Variants in CADM1 observed in about 807,000 individuals in gnomAD.
The protein encoded by CADM1 is cell adhesion molecule 1.
In CADM1, 15 loss-of-function variants were observed where a neutral mutation model predicts 53.1. The observed-to-expected ratio is 0.28, with a 90% confidence interval of 0.19 to 0.44. The LOEUF is 0.44. Ranked by LOEUF, CADM1 falls within the 20% of genes least tolerant of loss-of-function variation. The pLI is 1.00. For synonymous variants in CADM1, 281 were observed against 243.0 expected (o/e 1.16, Z -1.45); for missense variants, 434 against 611.3 (o/e 0.71, Z 3.06).
chr11:115,392,138 T>A (rs545425551), intron 1 of CADM1, among the ~76,000 whole-genome samples: 1 of 152,114 alleles, frequency 6.6e-6, no homozygotes, highest in East Asian at 1.9e-4. Flanking sequence ...CCTTCTTACC[T>A]TGCTTATTTT....
intron 1 of CADM1, among the ~76,000 whole-genome samples, chr11:115,458,511 T>C (rs1948727118): frequency 6.8e-6 from 1 of 148,006 alleles, no homozygotes; most frequent in Non-Finnish European, 1.5e-5. Context: ...TTATTATTAT[T>C]ATTATTATTA....
chr11:115,256,421 A>T (rs1237906220), intron 1 of CADM1, among the ~76,000 whole-genome samples: 1 of 152,226 alleles, frequency 6.6e-6, no homozygotes, highest in Admixed American at 6.5e-5. Context: ...CTTAATGAAT[A>T]TCCATGGATC....
chr11:115,319,002 A>C (rs1944749665), intron 1 of CADM1, among the ~76,000 whole-genome samples: 1 of 152,200 alleles, frequency 6.6e-6, no homozygotes, highest in African/African-American at 2.4e-5. Context: ...TACTCAAAAC[A>C]ATAGGATCTT....
chr11:115,284,006 T>C (rs1943654143), intron 1 of CADM1, among the ~76,000 whole-genome samples: 1 of 151,186 alleles, frequency 6.6e-6, no homozygotes, highest in African/African-American at 2.4e-5. Flanking sequence ...TCCTGAAAAA[T>C]GGTAAAATTA....
intron 1 of CADM1, among the ~76,000 whole-genome samples, chr11:115,418,072 T>C (rs1209770903): frequency 6.6e-6 from 1 of 152,186 alleles, no homozygotes; most frequent in Non-Finnish European, 1.5e-5. Context: ...AAGAAAAATT[T>C]TGCTCTCCTT....
chr11:115,219,653 G>T (rs1208931947), intron 5 of CADM1, among the ~76,000 whole-genome samples: 3 of 152,156 alleles, frequency 2.0e-5, no homozygotes, highest in Non-Finnish European at 2.9e-5. Context: ...TTAAAGAAAA[G>T]CAGAAATGCT....
At chr11:115,390,481 GA>G (rs1946808352) in intron 1 of CADM1, among the ~76,000 whole-genome samples, 1 of 151,706 alleles carries the variant, frequency 6.6e-6, no homozygotes, top group South Asian at 2.1e-4. Context: ...GAGAGAAGGA[GA>G]AAAGCAGGGG....
intron 1 of CADM1, among the ~76,000 whole-genome samples, chr11:115,439,695 G>A (rs536023383): frequency 1.6e-4 from 24 of 152,246 alleles, no homozygotes; most frequent in African/African-American, 5.3e-4. Flanking sequence ...TTGTCAGGTC[G>A]ACTTTAGTGA....
chr11:115,237,538 G>A (rs1451035035), intron 3 of CADM1, among the ~76,000 whole-genome samples: 2 of 152,168 alleles, frequency 1.3e-5, no homozygotes, highest in Non-Finnish European at 2.9e-5. Flanking sequence ...AAGCAAAAAT[G>A]TCCTTCATAT....
At chr11:115,349,701 G>T (rs1007919661) in intron 1 of CADM1, among the ~76,000 whole-genome samples, 1 of 152,170 alleles carries the variant, frequency 6.6e-6, no homozygotes, top group Non-Finnish European at 1.5e-5. Context: ...TGTCATCTTT[G>T]TTGCTTAAAG....
At chr11:115,498,048 T>A (rs1483106779) in intron 1 of CADM1, among the ~76,000 whole-genome samples, 3 of 151,072 alleles carry the variant, frequency 2.0e-5, no homozygotes, top group Non-Finnish European at 2.9e-5. Context: ...AACCAAAGAC[T>A]TTTTGAAATT....
At chr11:115,209,097 G>A (rs1043491193) in intron 8 of CADM1, among the ~76,000 whole-genome samples, 2 of 152,266 alleles carry the variant, frequency 1.3e-5, no homozygotes, top group Admixed American at 6.5e-5. Context: ...ACTTGTCAGC[G>A]GGTACTCTCT....
intron 1 of CADM1, among the ~76,000 whole-genome samples, chr11:115,303,583 A>C (rs1386914326): frequency 1.3e-5 from 2 of 152,084 alleles, no homozygotes; most frequent in African/African-American, 2.4e-5. Context: ...TCATTAGTGC[A>C]AACTAACAGC....
chr11:115,439,374 G>A (rs1317587894), intron 1 of CADM1, among the ~76,000 whole-genome samples: 1 of 152,140 alleles, frequency 6.6e-6, no homozygotes, highest in Admixed American at 6.5e-5. Context: ...CAGGGAGGAG[G>A]TATACTAGCT....
chr11:115,261,981 A>T (rs1942988182), intron 1 of CADM1, among the ~76,000 whole-genome samples: 1 of 152,000 alleles, frequency 6.6e-6, no homozygotes. Context: ...GGGTTTCACC[A>T]TGTTAGCCAG....
At chr11:115,347,955 AG>A (rs1188041632) in intron 1 of CADM1, among the ~76,000 whole-genome samples, 2 of 152,234 alleles carry the variant, frequency 1.3e-5, no homozygotes, top group Admixed American at 1.3e-4. Context: ...ACGAAAAATA[AG>A]GCGAACATAT....
rs930857416 is a variant in CADM1, at chr11:115,250,805, C to A, written c.125-10385G>T. ...CCCATTATCATCTCCATTACACAGA[C>A]AAGGAAGCTAAGATTTACATATACT... On this transcript the variant is annotated intron_variant, in intron 1 of 11. Coordinates refer to ENST00000331581, the MANE Select transcript of CADM1 (RefSeq NM_001301043.2). 2.0e-5 allele frequency among the ~76,000 whole-genome samples: 3 copies of A among 152,098 alleles called. No homozygotes were observed. In the East Asian group the frequency reaches 5.8e-4, roughly 29 times the overall value.
intron 9 of CADM1, among the ~76,000 whole-genome samples, chr11:115,193,619 A>C (rs1940001140): frequency 6.6e-6 from 1 of 152,234 alleles, no homozygotes; most frequent in Non-Finnish European, 1.5e-5. Context: ...ACCTCAAAAA[A>C]TTAGAAACAG....
At chr11:115,225,163 C>T (rs759561905) in intron 5 of CADM1, among the ~76,000 whole-genome samples, 11 of 152,058 alleles carry the variant, frequency 7.2e-5, no homozygotes, top group South Asian at 2.1e-4. Context: ...TCTTCATTCC[C>T]GGCAACGTTC....
Sources: gnomAD v4.1 joint callset for allele counts (sites outside exome capture counted in the v4.1 genomes callset) on GRCh38, gnomAD v4.1.1 for gene constraint, MANE v1.5 for transcripts, NCBI Gene and HGNC (gene_info 2026-07-23, HGNC 2026-07-21) for gene names.